Variants in PLPP1 observed in about 807,000 individuals in gnomAD.
PLPP1 encodes the protein lipid phosphate phosphohydrolase 1a.
In PLPP1, 24 loss-of-function variants were observed where a neutral mutation model predicts 31.2. The ratio of observed to expected loss-of-function variants is 0.77; its 90% CI spans 0.56 to 1.08. PLPP1 has a LOEUF of 1.08. PLPP1 is among the 50% of genes least tolerant of loss of function. PLPP1 has a pLI of 0.00. For missense variants in PLPP1, 319 were observed against 342.7 expected (o/e 0.93, Z 0.55); for synonymous variants, 146 against 126.3 (o/e 1.16, Z -1.05).
chr5:55,425,482 T>G, intron 5 of PLPP1, 148 bp from the exon 6 acceptor site: 2 of 696,232 alleles, frequency 2.9e-6, no homozygotes, highest in Admixed American at 7.4e-5. Context: ...AGAGACTAAC[T>G]GGGATTTTTT....
chr5:55,518,061 C>T (rs1260869536), intron 1 of PLPP1, among the ~76,000 whole-genome samples: 3 of 152,086 alleles, frequency 2.0e-5, no homozygotes. Flanking sequence ...GGTCAGACTA[C>T]TGATCTCGTG....
chr5:55,472,367 C>G (rs1018313097), intron 2 of PLPP1, among the ~76,000 whole-genome samples: 1 of 152,118 alleles, frequency 6.6e-6, no homozygotes, highest in South Asian at 2.1e-4. Context: ...CTTTGGGAGG[C>G]TGAGGCAGGT....
chr5:55,530,498 A>C, intron 1 of PLPP1: 1 of 1,209,550 alleles, frequency 8.3e-7, no homozygotes, highest in South Asian at 1.2e-5. Flanking sequence ...TTTCACTCCT[A>C]TTGCTGTTCC....
At chr5:55,434,802 T>G (rs529370592) in intron 4 of PLPP1, among the ~76,000 whole-genome samples, 22 of 152,254 alleles carry the variant, frequency 1.4e-4, no homozygotes, top group Middle Eastern at 3.4e-3. Context: ...ACGATAAAAC[T>G]AATCAAAGAA....
chr5:55,534,800 C>T lies in PLPP1; in HGVS notation c.-171G>A. The T allele has an allele frequency of 1.6e-6, 1 of 643,968 alleles. No individual in the cohort carries two copies. Among genetic ancestry groups the T allele is most frequent in the Non-Finnish European group, 2.5e-6 (1 of 404,388 alleles). The allele number at this position is 643,968 out of a possible 1,614,324, so 39.9% of individuals were successfully genotyped here. On this transcript the variant is annotated 5_prime_UTR_variant, in exon 1 of 6. The change creates a new upstream start codon in the 5' untranslated region. Transcript: ENST00000307259. ...GGGCTGAGACCGGGCGGCGCTCCCA[C>T]CGCCAGCAATGGCGCCCGGGGCCCT...
intron 3 of PLPP1, among the ~76,000 whole-genome samples, chr5:55,458,034 G>C (rs1752060107): frequency 6.6e-6 from 1 of 152,176 alleles, no homozygotes; most frequent in East Asian, 1.9e-4. Context: ...ATCCAAGAGA[G>C]ATATTAGAGA....
intron 1 of PLPP1, among the ~76,000 whole-genome samples, chr5:55,512,924 G>T (rs1382059184): frequency 6.6e-6 from 1 of 152,224 alleles, no homozygotes; most frequent in African/African-American, 2.4e-5. Flanking sequence ...GACAAGGCAG[G>T]ATAGTGAATC....
At chr5:55,466,261 C>A (rs551261634) in intron 3 of PLPP1, among the ~76,000 whole-genome samples, 1 of 152,196 alleles carries the variant, frequency 6.6e-6, no homozygotes, top group Non-Finnish European at 1.5e-5. Context: ...CCATTCTCAT[C>A]CTTTGTTTAA....
intron 4 of PLPP1, among the ~76,000 whole-genome samples, chr5:55,429,162 A>G (rs1245751567): frequency 6.6e-6 from 1 of 152,144 alleles, no homozygotes; most frequent in African/African-American, 2.4e-5. Context: ...TGGGTACATA[A>G]TAGGTTATTT....
chr5:55,505,262 A>G (rs1753249186), intron 1 of PLPP1, among the ~76,000 whole-genome samples: 1 of 152,060 alleles, frequency 6.6e-6, no homozygotes, highest in South Asian at 2.1e-4. Context: ...TATTATTTAC[A>G]CTTATTGGCA....
chr5:55,451,874 A>G (rs945446959), intron 3 of PLPP1, among the ~76,000 whole-genome samples: 1 of 152,188 alleles, frequency 6.6e-6, no homozygotes, highest in African/African-American at 2.4e-5. Context: ...AAGGCAGAAA[A>G]GTCACATTTC....
chr5:55,488,527 T>C (rs1313508852), intron 1 of PLPP1, among the ~76,000 whole-genome samples: 1 of 152,000 alleles, frequency 6.6e-6, no homozygotes, highest in Admixed American at 6.6e-5. Flanking sequence ...GTGCCTGTAG[T>C]CCCAGCTACT....
chr5:55,456,098 A>G (rs1035457067), intron 3 of PLPP1, among the ~76,000 whole-genome samples: 10 of 152,314 alleles, frequency 6.6e-5, no homozygotes, highest in Non-Finnish European at 1.3e-4. Flanking sequence ...TTGCAAGTAT[A>G]TAGCCCCTTT....
chr5:55,497,111 C>T (rs1313731558), intron 1 of PLPP1, among the ~76,000 whole-genome samples: 1 of 152,172 alleles, frequency 6.6e-6, no homozygotes, highest in Admixed American at 6.5e-5. Context: ...TATTATGCTA[C>T]ACAACAGGGA....
chr5:55,494,286 A>G (rs192739452), intron 1 of PLPP1, among the ~76,000 whole-genome samples: 2 of 151,590 alleles, frequency 1.3e-5, no homozygotes, highest in Non-Finnish European at 2.9e-5. Flanking sequence ...TGGAAACAGA[A>G]TAGGATGCAG....
intron 3 of PLPP1, among the ~76,000 whole-genome samples, chr5:55,456,017 G>C (rs183118362): frequency 3.5e-4 from 53 of 152,000 alleles, no homozygotes; most frequent in Non-Finnish European, 6.2e-4. Flanking sequence ...TTTTTCCCCA[G>C]AAAATCTTAG....
intron 4 of PLPP1, among the ~76,000 whole-genome samples, chr5:55,441,347 G>C (rs1288239104): frequency 6.6e-6 from 1 of 152,228 alleles, no homozygotes; most frequent in East Asian, 1.9e-4. Flanking sequence ...AGTGGCAACT[G>C]CCTTTCCCAG....
chr5:55,479,069 G>A (rs1010050344), intron 1 of PLPP1, among the ~76,000 whole-genome samples: 4 of 149,946 alleles, frequency 2.7e-5, no homozygotes. Context: ...TTGCTGCCCA[G>A]GCTGGAGTGC....
intron 3 of PLPP1, among the ~76,000 whole-genome samples, chr5:55,465,836 A>T (rs1248137242): frequency 2.0e-5 from 3 of 152,042 alleles, no homozygotes; most frequent in Non-Finnish European, 2.9e-5. Context: ...CTACTGTTAA[A>T]GTCTTCTATC....
Sources: allele counts gnomAD v4.1 joint callset (sites outside exome capture counted in the v4.1 genomes callset), GRCh38; gene constraint gnomAD v4.1.1; transcripts MANE v1.5; gene names NCBI Gene and HGNC (gene_info 2026-07-23, HGNC 2026-07-21).